The following SRCAP variants were observed in gnomAD, a reference collection of about 807,000 sequenced individuals.
The protein encoded by SRCAP is Snf2 related CREBBP activator protein.
Under a neutral mutation model 263.1 loss-of-function variants are expected in SRCAP, and 46 were observed. The observed-to-expected ratio is 0.17, with a 90% confidence interval of 0.14 to 0.22. The LOEUF is 0.22. Among genes scored for constraint, SRCAP ranks in the 10% least tolerant of loss-of-function variants. The pLI is 1.00. For missense variants in SRCAP, 3,695 were observed against 4,181.9 expected, an observed-to-expected ratio of 0.88 and a Z score of 3.21; for synonymous variants, 1,813 against 1,662.1, an observed-to-expected ratio of 1.09 and a Z score of -2.21.
intron 25 of SRCAP, 21 bp from the exon 26 acceptor site, chr16:30,728,945 C>T (rs755982185): frequency 1.3e-6 from 2 of 1,599,716 alleles, no homozygotes; most frequent in Non-Finnish European, 1.7e-6. Flanking sequence ...TGATTACTTC[C>T]TCTTTTTCTC....
Position 30,721,257 on chromosome 16 carries a change from C to T in SRCAP, c.3322C>T (p.Pro1108Ser). 1.9e-6 allele frequency: 3 copies of T among 1,614,108 alleles called. No individual in the cohort carries two copies. The highest frequency in any genetic ancestry group is 2.5e-6 in the Non-Finnish European group (3 of 1,180,014). Residue 1108 changes from proline (P) to serine (S), a missense_variant, in exon 21 of 34, where the codon CCA becomes TCA. Pro to Ser is a moderately conservative substitution (Grantham distance 74). This residue lies in a region of SRCAP where 1,347 missense variants were observed against 1,304.4 expected (regional missense o/e 1.03). Transcript: ENST00000262518. ...TCCCACGCCAACCTTGTCCCTAAAG[C>T]CAACACCACCTGCCCCAGTTCGCCT... is the stretch of plus-strand genomic sequence containing the variant. ...RPPTPTLSLKPTPPAPVRLSP... is the reference protein window; with the variant it reads ...RPPTPTLSLKSTPPAPVRLSP...
At position 30,716,283 on chromosome 16, in the gene SRCAP, C is replaced by T. The variant is rs368319398; in HGVS notation, c.2631-10C>T. 9 of 1,613,424 alleles carry T rather than the reference C, an allele frequency of 5.6e-6. No individual in the cohort carries two copies. Among genetic ancestry groups the T allele is most frequent in the Admixed American group, 3.3e-5 (2 of 59,942 alleles). The stretch of plus-strand genomic sequence containing the variant: ...TTAGGACGTCTCATTTATTTTTCCT[C>T]TTTCCCCAGAACTAAGGAGACACTA... On this transcript the variant is annotated splice_polypyrimidine_tract_variant and intron_variant, in intron 17 of 33. Coordinates refer to ENST00000262518, the MANE Select transcript of SRCAP (RefSeq NM_006662.3).
chr16:30,710,904 C>T, intron 9 of SRCAP, 57 bp downstream of exon 9: 15 of 1,602,580 alleles, frequency 9.4e-6, no homozygotes, highest in Non-Finnish European at 1.3e-5. Context: ...ATTGTCTGGA[C>T]CTAACCTTTC....
rs2052885836 is a variant in SRCAP at position 30,711,094 on chromosome 16, A to G, written c.1318+6A>G. On this transcript the variant is annotated splice_donor_region_variant and intron_variant, in intron 10 of 33. Coordinates refer to ENST00000262518, the MANE Select transcript of SRCAP (RefSeq NM_006662.3). ...GAGCGAGTTGGCTCGAGAAGGTGAC[A>G]TTTACCAGACATTTTACTAAGCATC... 1 of 1,609,964 alleles carries G rather than the reference A, an allele frequency of 6.2e-7. No homozygotes were observed. Among genetic ancestry groups the G allele is most frequent in the Non-Finnish European group, 8.5e-7 (1 of 1,177,434 alleles).
chr16:30,705,119 G>A (rs2052812305), intron 4 of SRCAP, among the ~76,000 whole-genome samples: 1 of 152,116 alleles, frequency 6.6e-6, no homozygotes, highest in Non-Finnish European at 1.5e-5. Flanking sequence ...TGGCCAACGT[G>A]GCAAAATCCC....
At chr16:30,701,975 G>A (rs1449957368) in intron 3 of SRCAP, among the ~76,000 whole-genome samples, 1 of 145,900 alleles carries the variant, frequency 6.9e-6, no homozygotes, top group African/African-American at 2.6e-5. Context: ...TTATTTTTAA[G>A]ATGGAGTCTC....
Position 30,737,136 on chromosome 16 carries a change from G to A in SRCAP, c.7096G>A (p.Ala2366Thr). 1 of 1,613,982 alleles carries A rather than the reference G, an allele frequency of 6.2e-7. No individual in the cohort carries two copies. Among genetic ancestry groups the A allele is most frequent in the Non-Finnish European group, 8.5e-7 (1 of 1,179,928 alleles). ...LPQEEEEGPG[A>T]GDESSCGTGG... ...CCAAGAGGAGGAGGAGGGGCCGGGG[G>A]CTGGGGATGAGAGTTCCTGTGGGAC... The change falls in exon 34 of 34, where the codon GCT (alanine) becomes ACT (threonine). Residue 2366 changes from alanine (A) to threonine (T), a missense_variant. Coordinates refer to ENST00000262518, the MANE Select transcript of SRCAP (RefSeq NM_006662.3).
intron 18 of SRCAP, among the ~76,000 whole-genome samples, chr16:30,718,011 G>A (rs1042504195): frequency 2.0e-5 from 3 of 150,890 alleles, no homozygotes; most frequent in South Asian, 2.1e-4. Flanking sequence ...AACTATATGC[G>A]TGCACCACTA....
At chr16:30,734,060 G>A in intron 30 of SRCAP, 52 bp downstream of exon 30, 1 of 1,467,700 alleles carries the variant, frequency 6.8e-7, no homozygotes, top group Non-Finnish European at 9.3e-7. Context: ...TGCGCCTTCA[G>A]GAGTTCCTCC....
At position 30,729,588 on chromosome 16, in the gene SRCAP, AG is replaced by A. The variant is rs763831682; in HGVS notation, c.6127+17del. ...TATGATTGCGGTGAGTTTGTTGGCC[AG>A]TGTAGGACCCTTGACTTCTCTTCTT... On this transcript the variant is annotated intron_variant, in intron 27 of 33. Coordinates refer to ENST00000262518, the MANE Select transcript of SRCAP (RefSeq NM_006662.3). 2.5e-6 allele frequency: 4 copies of A among 1,613,376 alleles called. No homozygotes were observed. The highest frequency in any genetic ancestry group is 3.4e-6 in the Non-Finnish European group (4 of 1,179,458).
chr16:30,730,473 C>T (rs2151296984), intron 27 of SRCAP, among the ~76,000 whole-genome samples: 1 of 152,188 alleles, frequency 6.6e-6, no homozygotes, highest in East Asian at 1.9e-4. Flanking sequence ...ACTCTGTCGC[C>T]CAGGCTGGAG....
chr16:30,722,767 C>G lies in SRCAP; in HGVS notation c.3892+19C>G, dbSNP rs201527246. On this transcript the variant is annotated intron_variant, in intron 23 of 33. Transcript: ENST00000262518. ...AACCAGGGTGAGGCTCCTGGCCTTC[C>G]TACTTAGCCCTTGCTGGCCTTGGTC... 6.6e-5 allele frequency: 106 copies of G among 1,596,188 alleles called. No individual in the cohort carries two copies. Among genetic ancestry groups the G allele is most frequent in the Middle Eastern group, 1.7e-4 (1 of 6,008 alleles).
At position 30,707,258 on chromosome 16, in the gene SRCAP, C is replaced by A. The variant is rs1213171376; in HGVS notation, c.382C>A (p.Pro128Thr). The change falls in exon 5 of 34, where the codon CCA becomes ACA. Residue 128 changes from proline to threonine, a missense_variant. Physicochemically the swap from Pro to Thr is conservative, Grantham distance 38. Around this residue, in one of 12 missense-constraint regions of SRCAP, gnomAD observed 107 missense variants for 223.8 expected, o/e 0.48. Transcript: ENST00000262518. ...FWSLKRLPKVPEPPRPKGHWD... is the reference protein window; with the variant it reads ...FWSLKRLPKVTEPPRPKGHWD... The stretch of plus-strand genomic sequence containing the variant: ...GTCACTGAAGAGGCTGCCTAAGGTG[C>A]CAGAGCCCCCTCGCCCCAAAGGTCA... 1.2e-6 allele frequency: 2 copies of A among 1,614,144 alleles called. No homozygotes were observed. Among genetic ancestry groups the A allele is most frequent in the South Asian group, 1.1e-5 (1 of 91,082 alleles).
intron 33 of SRCAP, 29 bp downstream of exon 33, chr16:30,736,653 G>T (rs2053163059): frequency 8.1e-6 from 13 of 1,606,484 alleles, no homozygotes; most frequent in Non-Finnish European, 1.0e-5. Context: ...GGGGCTGGCA[G>T]TTGGAAGCTG....
At chr16:30,727,741 A>C (rs2053076846) in intron 25 of SRCAP, among the ~76,000 whole-genome samples, 1 of 152,046 alleles carries the variant, frequency 6.6e-6, no homozygotes, top group African/African-American at 2.4e-5. Context: ...TTTAGTAGAG[A>C]TAGGGTTTCA....
At position 30,740,545 on chromosome 16, in the gene SRCAP, G is replaced by T. The variant is rs2053214047; in HGVS notation, c.*812G>T. The T allele has an allele frequency of 6.6e-6, 1 of 152,188 alleles. No homozygotes were observed. Among genetic ancestry groups the T allele is most frequent in the Admixed American group, 6.6e-5 (1 of 15,266 alleles). The allele number at this position is 152,188 out of a possible 1,614,324, so 9.4% of individuals were successfully genotyped here. ...CATCTAGCCAAACTGGTTTGAGTCA[G>T]CCACACCCCTTCCCAGCTCCCTGGG... On this transcript the variant is annotated 3_prime_UTR_variant, in exon 34 of 34. Coordinates refer to ENST00000262518, the MANE Select transcript of SRCAP (RefSeq NM_006662.3).
At chr16:30,701,711 C>T (rs2052768956) in intron 3 of SRCAP, among the ~76,000 whole-genome samples, 1 of 150,128 alleles carries the variant, frequency 6.7e-6, no homozygotes, top group African/African-American at 2.5e-5. Context: ...CTCACTGCAA[C>T]CTCCGCCTCC....
chr16:30,733,128 G>A lies in SRCAP; in HGVS notation c.6128-152G>A. ...AGGGACTACAGGTGTGAGCCACCAT[G>A]CCCTGCCGTAGTTAAACATTTTTGA... On this transcript the variant is annotated intron_variant, in intron 27 of 33. Coordinates refer to ENST00000262518, the MANE Select transcript of SRCAP (RefSeq NM_006662.3). This position sits in a 1 kb window ranked among gnomAD's most constrained non-coding sequence, Gnocchi z 5.3. 1.2e-6 allele frequency: 1 copy of A among 825,934 alleles called. No homozygotes were observed. The highest frequency in any genetic ancestry group is 1.9e-6 in the Non-Finnish European group (1 of 533,156). 51.2% of individuals were successfully genotyped at this position (825,934 alleles called of 1,614,324 possible). A position where few individuals can be genotyped will look rare whatever the true frequency, so the allele number is the denominator to read the frequency against.
intron 22 of SRCAP, 65 bp downstream of exon 22, chr16:30,722,351 C>A: frequency 1.3e-6 from 2 of 1,569,280 alleles, no homozygotes; most frequent in South Asian, 1.2e-5. Flanking sequence ...GTTTTTGTGA[C>A]TTTTTTGAAT....
Sources: gnomAD v4.1 joint callset for allele counts (sites outside exome capture counted in the v4.1 genomes callset) on GRCh38, gnomAD v4.1.1 for gene constraint, gnomAD v4.1.1 regional missense constraint, Gnocchi (gnomAD v3.1) non-coding constraint, MANE v1.5 for transcripts, NCBI Gene and HGNC (gene_info 2026-07-23, HGNC 2026-07-21) for gene names.